TACC2: variants seen among roughly 807,000 people sequenced by gnomAD.
The protein encoded by TACC2 is transforming acidic coiled-coil containing protein 2, also known as transforming acidic coiled-coil-containing protein 2.
A neutral mutation model predicts 227.3 loss-of-function variants in TACC2; 137 were observed. The ratio of observed to expected loss-of-function variants is 0.60; its 90% CI spans 0.52 to 0.69. The LOEUF is 0.69. Ranked by LOEUF, TACC2 falls within the 30% of genes least tolerant of loss-of-function variation. The pLI is 0.00. For missense variants in TACC2, 3,470 were observed against 3,694.4 expected, an observed-to-expected ratio of 0.94 and a Z score of 1.57; for synonymous variants, 1,523 against 1,487.5, an observed-to-expected ratio of 1.02 and a Z score of -0.55.
At chr10:122,123,610 G>A (rs2086259375) in intron 5 of TACC2, among the ~76,000 whole-genome samples, 1 of 152,088 alleles carries the variant, frequency 6.6e-6, no homozygotes, top group Non-Finnish European at 1.5e-5. Flanking sequence ...GTCATGCCCA[G>A]CCTAGAACTG....
chr10:122,155,473 T>C (rs996059354), intron 7 of TACC2, among the ~76,000 whole-genome samples: 3 of 152,256 alleles, frequency 2.0e-5, no homozygotes, highest in African/African-American at 7.2e-5. Flanking sequence ...TACTGAATTT[T>C]CTGTTCTTCT....
At chr10:122,059,348 C>T (rs2076551328) in intron 3 of TACC2, among the ~76,000 whole-genome samples, 1 of 151,850 alleles carries the variant, frequency 6.6e-6, no homozygotes, top group South Asian at 2.1e-4. Context: ...TTCCTGAACA[C>T]CCCCCTCCCC....
chr10:122,177,191 T>G (rs1192815625), intron 7 of TACC2, among the ~76,000 whole-genome samples: 1 of 152,202 alleles, frequency 6.6e-6, no homozygotes. Context: ...GGTGGTATAT[T>G]CTGGCCTCCT....
At chr10:122,108,447 T>TC (rs1301081103) in intron 5 of TACC2, among the ~76,000 whole-genome samples, 7 of 143,190 alleles carry the variant, frequency 4.9e-5, no homozygotes, top group South Asian at 2.3e-4. Flanking sequence ...ATTTTCTTTT[T>TC]TTTTTTTTTT....
At chr10:122,065,526 G>A (rs1365521850) in intron 3 of TACC2, among the ~76,000 whole-genome samples, 1 of 152,064 alleles carries the variant, frequency 6.6e-6, no homozygotes, top group Non-Finnish European at 1.5e-5. Context: ...TCAAATTTAT[G>A]CACAGAATAT....
intron 7 of TACC2, among the ~76,000 whole-genome samples, chr10:122,165,390 A>C (rs1330641474): frequency 6.6e-6 from 1 of 152,208 alleles, no homozygotes; most frequent in Non-Finnish European, 1.5e-5. Context: ...CAGAAAGGAC[A>C]ATGTGACTGT....
At chr10:122,172,867 C>T (rs1171757825) in intron 7 of TACC2, among the ~76,000 whole-genome samples, 1 of 152,070 alleles carries the variant, frequency 6.6e-6, no homozygotes, top group Non-Finnish European at 1.5e-5. Flanking sequence ...GTCCCTTTGG[C>T]ATTCTGGCCT....
rs1224830351 is a variant in TACC2, at chr10:122,084,144, G to A, written c.1644G>A (p.Gly548=). 3 of 1,614,094 alleles carry A rather than the reference G, an allele frequency of 1.9e-6. No homozygotes were observed. Among genetic ancestry groups the A allele is most frequent in the Non-Finnish European group, 1.7e-6 (2 of 1,180,030 alleles). ...GTGAAAGTGCCAGAGGGCCACCGGG[G>A]CCAACGGATGGAGCCAAGGTCCATG... The part of the protein sequence containing the change: ...APSESARGPP[G]PTDGAKVHED... Residue 548 remains glycine (G), a synonymous_variant, in exon 4 of 23, where the codon GGG becomes GGA. Coordinates refer to ENST00000369005, the MANE Select transcript of TACC2 (RefSeq NM_206862.4).
chr10:122,148,025 G>A (rs1171041299), intron 7 of TACC2, among the ~76,000 whole-genome samples: 1 of 151,462 alleles, frequency 6.6e-6, no homozygotes, highest in East Asian at 1.9e-4. Context: ...TTCAAAGCAA[G>A]TTTCGAAAAT....
At position 122,194,214 on chromosome 10, in the gene TACC2, G is replaced by A. The variant is rs139036394; in HGVS notation, c.5835-826G>A. Among the ~76,000 whole-genome samples, 414 of 152,310 alleles carry A rather than the reference G, an allele frequency of 2.7e-3. 3 individuals carry two copies. The highest frequency in any genetic ancestry group is 0.014 in the Middle Eastern group (4 of 294). ...GCTGGGATTAGAGGCATGAGCCACCGCACCTGGCCTGTTGGTTCCTCTTCA... is the reference window on the plus strand; with the variant it reads ...GCTGGGATTAGAGGCATGAGCCACCACACCTGGCCTGTTGGTTCCTCTTCA... On this transcript the variant is annotated intron_variant, in intron 7 of 22. Coordinates refer to ENST00000369005, the MANE Select transcript of TACC2 (RefSeq NM_206862.4). The surrounding 1 kb of genome is among the most constrained non-coding windows in gnomAD (Gnocchi z 4.4).
intron 2 of TACC2, among the ~76,000 whole-genome samples, chr10:122,025,267 T>C: frequency 6.6e-6 from 1 of 152,190 alleles, no homozygotes; most frequent in East Asian, 1.9e-4. Flanking sequence ...ATTATTCATA[T>C]ATATATTTTT....
chr10:122,213,326 T>C (rs762508787), intron 9 of TACC2: 2 of 1,610,648 alleles, frequency 1.2e-6, no homozygotes, highest in Non-Finnish European at 1.7e-6. Context: ...TCTTTTTCTT[T>C]GTCTTCTTGT....
chr10:122,007,338 C>T (rs140838433), intron 1 of TACC2, among the ~76,000 whole-genome samples: 273 of 152,162 alleles, frequency 1.8e-3, no homozygotes, highest in African/African-American at 6.2e-3. Flanking sequence ...TCTATTTGCA[C>T]GTTTGAATTT....
chr10:122,041,441 C>CTTTTT lies in TACC2; in HGVS notation c.34-8986_34-8982dup, dbSNP rs537169387. Among the ~76,000 whole-genome samples the CTTTTT allele has an allele frequency of 9.3e-4, 131 of 140,174 alleles. 7 individuals carry two copies. Among genetic ancestry groups the CTTTTT allele is most frequent in the East Asian group, 2.5e-3 (12 of 4,790 alleles). The allele number at this position is 140,174 out of a possible 152,430, so 92.0% of individuals were successfully genotyped here. A position where few individuals can be genotyped will look rare whatever the true frequency, so the allele number is the denominator to read the frequency against. The stretch of plus-strand genomic sequence containing the variant: ...TTCATGACAGCACAGAGTTTCCTTT[C>CTTTTT]TTTTTTTTTTTTTTTCTCGTAACGA... On this transcript the variant is annotated intron_variant, in intron 2 of 22. Coordinates refer to ENST00000369005, the MANE Select transcript of TACC2 (RefSeq NM_206862.4).
In TACC2 at chr10:122,249,069, G is replaced by A. The variant is rs1190199335; in HGVS notation, c.8573G>A (p.Arg2858Lys). The change falls in exon 21 of 23, where the codon AGA becomes AAA. Residue 2858 changes from arginine (R) to lysine (K), a missense_variant. Physicochemically the swap from Arg to Lys is conservative, Grantham distance 26 (BLOSUM62 2). This residue lies in a region of TACC2 where 89 missense variants were observed against 91.4 expected (regional missense o/e 0.97). Transcript: ENST00000369005. ...TGTCAGAATGAAGAGGTGTTGAAGA[G>A]ATGTGCGCAGGAGTACCTGTCCCGG... ...GFRKNEEVLK[R>K]CAQEYLSRVK... 1 of 1,613,292 alleles carries A rather than the reference G, an allele frequency of 6.2e-7. No homozygotes were observed. Among genetic ancestry groups the A allele is most frequent in the Admixed American group, 1.7e-5 (1 of 59,982 alleles).
At position 122,125,776 on chromosome 10, in the gene TACC2, C is replaced by CTTTTTTT. The variant is rs67882679; in HGVS notation, c.5574-6821_5574-6815dup. Among the ~76,000 whole-genome samples the CTTTTTTT allele has an allele frequency of 1.0e-3, 120 of 117,160 alleles. 5 individuals carry two copies. The highest frequency in any genetic ancestry group is 1.5e-3 in the Non-Finnish European group (88 of 58,084). The allele number at this position is 117,160 out of a possible 152,430, so 76.9% of individuals were successfully genotyped here. A position where few individuals can be genotyped will look rare whatever the true frequency, so the allele number is the denominator to read the frequency against. ...ACTCAAAGGCTACACAATATCCTTC[C>CTTTTTTT]TTTTTTTTTTTTTTTTTTGAGAGGG... On this transcript the variant is annotated intron_variant, in intron 5 of 22. Transcript: ENST00000369005.
intron 2 of TACC2, among the ~76,000 whole-genome samples, chr10:122,043,505 CTCTTTCTTTTTCTTTCT>C (rs1565144905): frequency 1.2e-4 from 16 of 137,544 alleles, no homozygotes; most frequent in African/African-American, 3.7e-4. Context: ...CTTTCTTTTT[CTCTTTCTTTTTCTTTCT>C]TTTCTTTCTT....
At chr10:122,056,687 A>G (rs763544235) in intron 3 of TACC2, among the ~76,000 whole-genome samples, 4 of 152,124 alleles carry the variant, frequency 2.6e-5, no homozygotes, top group Non-Finnish European at 5.9e-5. Context: ...CAGACTCTAG[A>G]GGCCATTCCA....
At chr10:122,168,165 G>A (rs977998969) in intron 7 of TACC2, among the ~76,000 whole-genome samples, 3 of 150,134 alleles carry the variant, frequency 2.0e-5, no homozygotes, top group African/African-American at 7.4e-5. Context: ...TCAGCCTCCC[G>A]AAGTGTTGGG....
Sources: gnomAD v4.1 joint callset for allele counts (sites outside exome capture counted in the v4.1 genomes callset) on GRCh38, gnomAD v4.1.1 for gene constraint, gnomAD v4.1.1 regional missense constraint, Gnocchi (gnomAD v3.1) non-coding constraint, MANE v1.5 for transcripts, NCBI Gene and HGNC (gene_info 2026-07-23, HGNC 2026-07-21) for gene names.